The following LPAR1 variants were observed in gnomAD, a reference collection of about 807,000 sequenced individuals.
LPAR1 encodes LPA receptor 1.
In LPAR1, 5 loss-of-function variants were observed where a neutral mutation model predicts 23.8. The ratio of observed to expected loss-of-function variants is 0.21; its 90% CI spans 0.11 to 0.44. The LOEUF (loss-of-function observed/expected upper bound fraction) is 0.44, where lower values mean the gene tolerates loss of function less well. LPAR1 is among the 20% of genes least tolerant of loss of function. The probability of loss-of-function intolerance (pLI) is 0.99; values close to 1 mark genes in which losing one functional copy is unlikely to be tolerated. For synonymous variants in LPAR1, 160 were observed against 164.7 expected (o/e 0.97, Z 0.22); for missense variants, 311 against 482.8 (o/e 0.64, Z 3.33).
chr9:111,028,164 T>G (rs567285048), intron 2 of LPAR1, among the ~76,000 whole-genome samples: 9 of 151,378 alleles, frequency 5.9e-5, no homozygotes, highest in Non-Finnish European at 1.0e-4. Context: ...AGAATCTCAC[T>G]CTGTCACCCA....
intron 5 of LPAR1, among the ~76,000 whole-genome samples, chr9:110,887,861 A>G (rs1458976760): frequency 6.6e-6 from 1 of 152,242 alleles, no homozygotes; most frequent in Non-Finnish European, 1.5e-5. Context: ...CGCTGATAGA[A>G]ACTTATCCTA....
intron 2 of LPAR1, among the ~76,000 whole-genome samples, chr9:110,990,851 G>A (rs1358285329): frequency 6.6e-6 from 1 of 152,052 alleles, no homozygotes. Flanking sequence ...AAGGTGAGAA[G>A]ATATAAATGA....
chr9:110,990,190 A>C (rs758803204), intron 2 of LPAR1, among the ~76,000 whole-genome samples: 2 of 152,160 alleles, frequency 1.3e-5, no homozygotes, highest in Non-Finnish European at 2.9e-5. Context: ...ATTAATTGAC[A>C]GAACAGAAAA....
intron 5 of LPAR1, among the ~76,000 whole-genome samples, chr9:110,880,044 C>T (rs911304534): frequency 2.6e-5 from 4 of 152,188 alleles, no homozygotes; most frequent in Non-Finnish European, 5.9e-5. Flanking sequence ...TCTAAATAGG[C>T]TCATGGCAAT....
chr9:110,977,810 G>GGAA lies in LPAR1; in HGVS notation c.-181-4253_-181-4252insTTC, dbSNP rs1564227320. Among the ~76,000 whole-genome samples the GGAA allele has an allele frequency of 7.6e-4, 76 of 99,460 alleles. 2 individuals carry two copies. The highest frequency in any genetic ancestry group is 4.8e-3 in the Middle Eastern group (1 of 208). 65.2% of individuals were successfully genotyped at this position (99,460 alleles called of 152,430 possible). A position where few individuals can be genotyped will look rare whatever the true frequency, so the allele number is the denominator to read the frequency against. The stretch of plus-strand genomic sequence containing the variant: ...AAAGAAGGAAGGAAGGAAGGAAGGA[G>GGAA]GGAGGGAGGGCGGGAGGGAGGGAGG... On this transcript the variant is annotated intron_variant, in intron 2 of 5. Transcript: ENST00000683809.
At chr9:110,964,679 A>AAC (rs1554714209) in intron 4 of LPAR1, among the ~76,000 whole-genome samples, 9 of 151,928 alleles carry the variant, frequency 5.9e-5, no homozygotes, top group African/African-American at 9.7e-5. Flanking sequence ...CTCAAAAAAA[A>AAC]AACCCATTTA....
chr9:110,883,002 G>A (rs999986587), intron 5 of LPAR1, among the ~76,000 whole-genome samples: 3 of 152,110 alleles, frequency 2.0e-5, no homozygotes, highest in African/African-American at 7.2e-5. Context: ...GTTTTGTCTT[G>A]TTTGGGGGCT....
intron 5 of LPAR1, chr9:110,934,393 G>T (rs12378769): frequency 0.63 from 96,418 of 152,062 alleles, 31,996 homozygotes; most frequent in East Asian, 0.97. Flanking sequence ...AGCTTATTAT[G>T]AGAGAAGGTA....
At chr9:110,913,626 T>C (rs1441878892) in intron 5 of LPAR1, among the ~76,000 whole-genome samples, 1 of 152,128 alleles carries the variant, frequency 6.6e-6, no homozygotes, top group Non-Finnish European at 1.5e-5. Context: ...GACCAGCAGA[T>C]AAGCCTAATT....
At chr9:111,009,998 A>ATATATATATAT (rs2097298345) in intron 2 of LPAR1, among the ~76,000 whole-genome samples, 1 of 123,436 alleles carries the variant, frequency 8.1e-6, no homozygotes, top group Non-Finnish European at 1.6e-5. Context: ...TAATTAGGAA[A>ATATATATATAT]ATATATATAT....
chr9:110,927,045 T>C (rs968226020), intron 5 of LPAR1, among the ~76,000 whole-genome samples: 1 of 152,172 alleles, frequency 6.6e-6, no homozygotes, highest in South Asian at 2.1e-4. Flanking sequence ...AGATGCAAGG[T>C]GGCCCTTGGA....
chr9:111,009,917 A>T (rs752848956), intron 2 of LPAR1, among the ~76,000 whole-genome samples: 6 of 149,872 alleles, frequency 4.0e-5, no homozygotes, highest in Middle Eastern at 3.4e-3. Context: ...TGATTTTTAT[A>T]TTTTACAAAT....
rs71371696 is a variant in LPAR1 at position 110,929,698 on chromosome 9, A to ATGTGTGTGTG, written c.793+11713_793+11722dup. On this transcript the variant is annotated intron_variant, in intron 5 of 5. Coordinates refer to ENST00000683809, the MANE Select transcript of LPAR1 (RefSeq NM_001351411.2). Reference sequence around the variant, plus strand: ...AAAATGCTGTATTTCCCAGCCAATAATGTGTGTGTGTGTGTGTGTGTGTGT... The same window carrying ATGTGTGTGTG: ...AAAATGCTGTATTTCCCAGCCAATAATGTGTGTGTGTGTGTGTGTGTGTGTGTGTGTGTGT... 1.1e-3 allele frequency among the ~76,000 whole-genome samples: 154 copies of ATGTGTGTGTG among 146,348 alleles called. 1 individual carries two copies. Among genetic ancestry groups the ATGTGTGTGTG allele is most frequent in the African/African-American group, 3.5e-3 (137 of 39,336 alleles).
At chr9:111,015,863 T>C (rs1458543701) in intron 2 of LPAR1, among the ~76,000 whole-genome samples, 2 of 151,654 alleles carry the variant, frequency 1.3e-5, no homozygotes, top group Non-Finnish European at 2.9e-5. Context: ...AGAAATCTAG[T>C]ATGGCAATGA....
At chr9:110,946,062 A>C (rs2095366061) in intron 4 of LPAR1, among the ~76,000 whole-genome samples, 1 of 152,236 alleles carries the variant, frequency 6.6e-6, no homozygotes, top group Admixed American at 6.5e-5. Flanking sequence ...GAACAAACTG[A>C]AAAACAATTT....
chr9:110,970,126 C>A (rs755349367), intron 4 of LPAR1, among the ~76,000 whole-genome samples: 6 of 152,134 alleles, frequency 3.9e-5, no homozygotes, highest in Non-Finnish European at 7.3e-5. Flanking sequence ...TTCTATTCCT[C>A]ACCAGCTGAT....
intron 5 of LPAR1, among the ~76,000 whole-genome samples, chr9:110,926,554 A>G (rs2094047626): frequency 6.6e-6 from 1 of 152,184 alleles, no homozygotes; most frequent in South Asian, 2.1e-4. Flanking sequence ...ATTAATTTAC[A>G]GGTGACAAAT....
intron 4 of LPAR1, among the ~76,000 whole-genome samples, chr9:110,944,855 T>A (rs1162387128): frequency 2.6e-5 from 4 of 152,208 alleles, no homozygotes; most frequent in Admixed American, 6.5e-5. Context: ...CTCAATTTTA[T>A]CATCTGTGAA....
At chr9:110,944,996 C>A (rs73657204) in intron 4 of LPAR1, among the ~76,000 whole-genome samples, 1 of 151,912 alleles carries the variant, frequency 6.6e-6, no homozygotes, top group Non-Finnish European at 1.5e-5. Context: ...AGAAAATACA[C>A]CAGGAATTAA....
Sources: allele counts gnomAD v4.1 joint callset (sites outside exome capture counted in the v4.1 genomes callset), GRCh38; gene constraint gnomAD v4.1.1; transcripts MANE v1.5; gene names NCBI Gene and HGNC (gene_info 2026-07-23, HGNC 2026-07-21).